NEB: variants seen among roughly 807,000 people sequenced by gnomAD.
NEB encodes nemaline myopathy type 2.
A neutral mutation model predicts 952.2 loss-of-function variants in NEB; 512 were observed. The ratio of observed to expected loss-of-function variants is 0.54; its 90% confidence interval spans 0.50 to 0.58. The LOEUF is 0.58. Among genes scored for constraint, NEB ranks in the 20% least tolerant of loss-of-function variants. The probability of loss-of-function intolerance (pLI) is 0.00; values close to 1 mark genes in which losing one functional copy is unlikely to be tolerated. For synonymous variants in NEB, 2,900 were observed against 3,149.8 expected, an observed-to-expected ratio of 0.92 and a Z score of 2.66; for missense variants, 8,428 against 9,231.1, an observed-to-expected ratio of 0.91 and a Z score of 3.56.
chr2:151,676,546 C>T (rs370953833), intron 34 of NEB, among the ~76,000 whole-genome samples: 5 of 152,214 alleles, frequency 3.3e-5, no homozygotes. Flanking sequence ...AATTAGCATA[C>T]GAGTCCCTTA....
intron 74 of NEB, among the ~76,000 whole-genome samples, chr2:151,617,765 G>A (rs983518857): frequency 2.7e-5 from 4 of 150,778 alleles, no homozygotes; most frequent in Non-Finnish European, 4.4e-5. Context: ...CCAATCAGAA[G>A]CACACAGTAC....
At chr2:151,652,230 A>AT (rs931633358) in intron 52 of NEB, among the ~76,000 whole-genome samples, 1 of 151,936 alleles carries the variant, frequency 6.6e-6, no homozygotes, top group African/African-American at 2.4e-5. Context: ...CCTTTAAAGA[A>AT]TTTTTTTATT....
At chr2:151,613,366 T>A (rs2098082849) in intron 77 of NEB, among the ~76,000 whole-genome samples, 1 of 152,254 alleles carries the variant, frequency 6.6e-6, no homozygotes, top group African/African-American at 2.4e-5. Context: ...AAAATTATAA[T>A]GCAATTGATT....
At chr2:151,715,635 A>T (rs1235768316) in intron 10 of NEB, among the ~76,000 whole-genome samples, 1 of 152,238 alleles carries the variant, frequency 6.6e-6, no homozygotes, top group Non-Finnish European at 1.5e-5. Context: ...GCTATCTACA[A>T]GCCAGGAAGG....
chr2:151,559,589 C>T (rs528289995), intron 124 of NEB, among the ~76,000 whole-genome samples: 3 of 152,316 alleles, frequency 2.0e-5, no homozygotes, highest in African/African-American at 7.2e-5. Context: ...GGCATATATA[C>T]ACCATGGAAT....
intron 63 of NEB, 102 bp from the exon 64 acceptor site, chr2:151,636,436 A>C (rs2098764630): frequency 3.3e-6 from 3 of 922,370 alleles, no homozygotes; most frequent in African/African-American, 1.7e-5. Flanking sequence ...TGCCTATAAT[A>C]ATCTTTCTTT....
At position 151,575,753 on chromosome 2, in the gene NEB, A is replaced by G. The variant is rs1246614856; in HGVS notation, c.16955T>C (p.Ile5652Thr). The change falls in exon 107 of 182, where the codon ATA becomes ACA. Residue 5652 changes from isoleucine to threonine, a missense_variant. This residue lies in a region of NEB where 3,374 missense variants were observed against 3,651.5 expected (regional missense o/e 0.92). Coordinates refer to ENST00000397345, the MANE Select transcript of NEB (RefSeq NM_001164508.2). ...VWDKDKTSIHIMPDTPEINLA... is the reference protein window; with the variant it reads ...VWDKDKTSIHTMPDTPEINLA... Reference sequence around the variant, plus strand: ...ATTAATTTCTGGAGTATCTGGCATTATGTGTATTGAAGTTTTATCCTTGTC... The same window carrying G: ...ATTAATTTCTGGAGTATCTGGCATTGTGTGTATTGAAGTTTTATCCTTGTC... 2 of 1,611,238 alleles carry G rather than the reference A, an allele frequency of 1.2e-6. No homozygotes were observed. The highest frequency in any genetic ancestry group is 1.1e-5 in the South Asian group (1 of 91,004).
intron 13 of NEB, among the ~76,000 whole-genome samples, chr2:151,699,136 G>C (rs1193468795): frequency 7.3e-6 from 1 of 136,234 alleles, no homozygotes; most frequent in African/African-American, 2.8e-5. Context: ...TCTTGCGATA[G>C]TTTACTGAGA....
intron 38 of NEB, 149 bp from the exon 39 acceptor site, chr2:151,669,280 T>C (rs1013754473): frequency 1.7e-6 from 1 of 605,956 alleles, no homozygotes; most frequent in Admixed American, 2.6e-5. Context: ...GGGGCCCTGG[T>C]AGATGCATTT....
At chr2:151,622,942 T>C (rs767189314) in intron 71 of NEB, among the ~76,000 whole-genome samples, 106 of 152,340 alleles carry the variant, frequency 7.0e-4, no homozygotes, top group Non-Finnish European at 1.2e-3. Flanking sequence ...TGTTTTAACA[T>C]GAGAGAAGAG....
intron 145 of NEB, 146 bp downstream of exon 145, chr2:151,530,848 C>A: frequency 1.7e-6 from 1 of 593,330 alleles, no homozygotes. Context: ...CTTACCGAAT[C>A]ATGAGCAAAA....
chr2:151,564,902 A>G (rs1456946018), intron 117 of NEB, 142 bp downstream of exon 117: 8 of 538,464 alleles, frequency 1.5e-5, no homozygotes, highest in Non-Finnish European at 2.3e-5. Context: ...TGGTACTTCT[A>G]ATACACAAGA....
intron 13 of NEB, among the ~76,000 whole-genome samples, chr2:151,705,544 T>C (rs952251042): frequency 6.6e-6 from 1 of 152,178 alleles, no homozygotes; most frequent in African/African-American, 2.4e-5. Flanking sequence ...AAAATAGAAC[T>C]ACCATTCAAT....
chr2:151,652,204 G>A (rs986896008), intron 52 of NEB, among the ~76,000 whole-genome samples: 1 of 152,072 alleles, frequency 6.6e-6, no homozygotes. Context: ...GACCTGCCCT[G>A]AAGGACTCCA....
In NEB at chr2:151,531,047, G is replaced by A; in HGVS notation, c.21577C>T (p.His7193Tyr). The part of the protein sequence containing the change: ...KAKPRGYTTI[H>Y]DTPMLLHVRK... Reference sequence around the variant, plus strand: ...ACATGCAGCAACATGGGTGTGTCGTGGATTGTGGTGTAGCCTCTGGGTTTG... The same window carrying A: ...ACATGCAGCAACATGGGTGTGTCGTAGATTGTGGTGTAGCCTCTGGGTTTG... The change falls in exon 145 of 182, where the codon CAC becomes TAC. Residue 7193 changes from histidine to tyrosine, a missense_variant. Transcript: ENST00000397345. The A allele has an allele frequency of 6.2e-7, 1 of 1,613,504 alleles. No homozygotes were observed. Among genetic ancestry groups the A allele is most frequent in the Non-Finnish European group, 8.5e-7 (1 of 1,179,664 alleles).
chr2:151,615,756 AT>A, intron 76 of NEB: 2 of 363,666 alleles, frequency 5.5e-6, no homozygotes, highest in Non-Finnish European at 9.7e-6. Flanking sequence ...ATATGAACCC[AT>A]TTTTGGTGTC....
intron 8 of NEB, among the ~76,000 whole-genome samples, chr2:151,723,762 T>TTTTTTTTTTTTTG (rs2099782372): frequency 6.7e-6 from 1 of 148,718 alleles, no homozygotes; most frequent in African/African-American, 2.5e-5. Context: ...TTTTTTTTTT[T>TTTTTTTTTTTTTG]TTTTTTTTTT....
In NEB at chr2:151,572,418, T is replaced by A. The variant is rs187490587; in HGVS notation, c.17014-1817A>T. On this transcript the variant is annotated intron_variant, in intron 107 of 181. Coordinates refer to ENST00000397345, the MANE Select transcript of NEB (RefSeq NM_001164508.2). The stretch of plus-strand genomic sequence containing the variant: ...CTTTTTACTTTTTGTTTTCATTCTA[T>A]TTTATTATGCACATTTTCACACTAT... 1.5e-4 allele frequency among the ~76,000 whole-genome samples: 23 copies of A among 150,670 alleles called. 1 individual carries two copies. The East Asian group carries it at 4.3e-3, about 28-fold the overall frequency.
At position 151,548,317 on chromosome 2, in the gene NEB, AAC is replaced by A; in HGVS notation, c.20146_20147del (p.Val6716TyrfsTer25). On this transcript the variant is annotated frameshift_variant, in exon 131 of 182. Coordinates refer to ENST00000397345, the MANE Select transcript of NEB (RefSeq NM_001164508.2). LOFTEE classifies it high-confidence loss of function. The part of the protein sequence containing the change: ...PFVHVRRVNN[V>X]TSERLYRELY... ...ATCAGCATTCAGGTACCTCGCTGGT[AAC>A]ATTGTTGACTCTCCGGACGTGGACA... 1 of 1,611,130 alleles carries A rather than the reference AAC, an allele frequency of 6.2e-7. No homozygotes were observed. The highest frequency in any genetic ancestry group is 1.7e-5 in the Admixed American group (1 of 59,996).
Sources: gnomAD v4.1 joint callset for allele counts (sites outside exome capture counted in the v4.1 genomes callset) on GRCh38, gnomAD v4.1.1 for gene constraint, gnomAD v4.1.1 regional missense constraint, MANE v1.5 for transcripts, NCBI Gene and HGNC (gene_info 2026-07-23, HGNC 2026-07-21) for gene names.